The following CNTNAP5 variants were observed in gnomAD, a reference collection of about 807,000 sequenced individuals.
CNTNAP5 encodes the protein contactin-associated protein-like 5.
A neutral mutation model predicts 150.2 loss-of-function variants in CNTNAP5; 72 were observed. That is an observed-to-expected ratio of 0.48 (90% confidence interval 0.40 to 0.58). The LOEUF is 0.58. Among genes scored for constraint, CNTNAP5 ranks in the 20% least tolerant of loss-of-function variants. The pLI is 0.00. For synonymous variants in CNTNAP5, 672 were observed against 619.8 expected (o/e 1.08, Z -1.25); for missense variants, 1,636 against 1,626.2 (o/e 1.01, Z -0.10).
rs551206374 is a variant in CNTNAP5, at chr2:124,354,379, C to A, written c.382-63064C>A. Among the ~76,000 whole-genome samples, 12 of 152,192 alleles carry A rather than the reference C, an allele frequency of 7.9e-5. No homozygotes were observed. In the South Asian group the frequency reaches 1.9e-3, roughly 24 times the overall value. On this transcript the variant is annotated intron_variant, in intron 3 of 23. Coordinates refer to ENST00000682447, the MANE Select transcript of CNTNAP5 (RefSeq NM_001367498.1). ...ATCTCCAAAAACAACGAAAAACACA[C>A]TTTGCCAAAGGAAAATTAAATGTAT...
chr2:124,825,033 C>T (rs896575287), intron 19 of CNTNAP5, among the ~76,000 whole-genome samples: 10 of 152,080 alleles, frequency 6.6e-5, no homozygotes, highest in Non-Finnish European at 1.5e-4. Flanking sequence ...CTTACATATT[C>T]TTAACTATTG....
intron 1 of CNTNAP5, among the ~76,000 whole-genome samples, chr2:124,078,098 C>A (rs546840485): frequency 6.6e-6 from 1 of 152,144 alleles, no homozygotes; most frequent in African/African-American, 2.4e-5. Flanking sequence ...AAATGCCAAG[C>A]AAAACCTCAG....
At chr2:124,093,130 C>G (rs1232328025) in intron 1 of CNTNAP5, among the ~76,000 whole-genome samples, 5 of 152,206 alleles carry the variant, frequency 3.3e-5, no homozygotes, top group Admixed American at 2.6e-4. Flanking sequence ...TTTTATGTCT[C>G]ACAATTAGTA....
chr2:124,817,719 C>A (rs1413897507), intron 19 of CNTNAP5, among the ~76,000 whole-genome samples: 1 of 152,102 alleles, frequency 6.6e-6, no homozygotes, highest in Non-Finnish European at 1.5e-5. Context: ...TACCTAACCC[C>A]CAATGCACTT....
At chr2:124,048,250 G>A (rs142911067) in intron 1 of CNTNAP5, among the ~76,000 whole-genome samples, 9 of 152,276 alleles carry the variant, frequency 5.9e-5, no homozygotes, top group African/African-American at 2.2e-4. Flanking sequence ...AAACAGAACT[G>A]GAGTTAACCA....
chr2:124,580,679 G>T lies in CNTNAP5; in HGVS notation c.1756+17356G>T, dbSNP rs533693629. Reference sequence around the variant, plus strand: ...GTTTGGTCATGATGCCCAGAAGGGTGCAGTCTCCGTCTCTCTCTCTCAGCT... The same window carrying T: ...GTTTGGTCATGATGCCCAGAAGGGTTCAGTCTCCGTCTCTCTCTCTCAGCT... On this transcript the variant is annotated intron_variant, in intron 11 of 23. Coordinates refer to ENST00000682447, the MANE Select transcript of CNTNAP5 (RefSeq NM_001367498.1). Among the ~76,000 whole-genome samples, 7 of 152,300 alleles carry T rather than the reference G, an allele frequency of 4.6e-5. No individual in the cohort carries two copies. The East Asian group carries it at 7.7e-4, about 17-fold the overall frequency.
chr2:124,091,818 C>T (rs999952715), intron 1 of CNTNAP5, among the ~76,000 whole-genome samples: 4 of 152,172 alleles, frequency 2.6e-5, no homozygotes, highest in Non-Finnish European at 4.4e-5. Flanking sequence ...TAGGTAAAAA[C>T]GGCTAGGAGC....
intron 3 of CNTNAP5, among the ~76,000 whole-genome samples, chr2:124,290,910 A>ATTTT (rs1296527750): frequency 3.1e-5 from 4 of 130,428 alleles, no homozygotes; most frequent in African/African-American, 1.2e-4. Context: ...TTATTTATTT[A>ATTTT]TTTATTTTAA....
chr2:124,865,598 G>C (rs575514442), intron 20 of CNTNAP5, among the ~76,000 whole-genome samples, 162 bp downstream of exon 20: 27 of 152,296 alleles, frequency 1.8e-4, no homozygotes, highest in African/African-American at 5.8e-4. Context: ...TGGTTCTCAA[G>C]ATGTGCTTCC....
At chr2:124,779,297 C>A (rs1681398598) in intron 17 of CNTNAP5, among the ~76,000 whole-genome samples, 1 of 152,232 alleles carries the variant, frequency 6.6e-6, no homozygotes, top group Non-Finnish European at 1.5e-5. Context: ...CTGGCTTCAG[C>A]ACTCCCGGTG....
chr2:124,047,057 G>C (rs1319061972), intron 1 of CNTNAP5, among the ~76,000 whole-genome samples: 1 of 152,122 alleles, frequency 6.6e-6, no homozygotes, highest in Non-Finnish European at 1.5e-5. Flanking sequence ...CCTAAGAATC[G>C]AGTGTTTACT....
At chr2:124,497,638 T>C (rs1694181659) in intron 7 of CNTNAP5, among the ~76,000 whole-genome samples, 1 of 152,204 alleles carries the variant, frequency 6.6e-6, no homozygotes, top group African/African-American at 2.4e-5. Context: ...TCATTTCTGA[T>C]AGGTACTTGT....
rs1165121521 is a variant in CNTNAP5, at chr2:124,184,426, CTT to C, written c.83-37276_83-37275del. Among the ~76,000 whole-genome samples the C allele has an allele frequency of 2.6e-5, 4 of 152,136 alleles. No homozygotes were observed. In the East Asian group the frequency reaches 7.7e-4, roughly 29 times the overall value. ...GTTACATTTCAGATAAAGAATGAAT[CTT>C]TTCTTTCAGTATCAACATGTCGCAA... On this transcript the variant is annotated intron_variant, in intron 1 of 23. Transcript: ENST00000682447.
intron 6 of CNTNAP5, among the ~76,000 whole-genome samples, chr2:124,461,191 G>C (rs1252396463): frequency 6.6e-6 from 1 of 152,054 alleles, no homozygotes; most frequent in Non-Finnish European, 1.5e-5. Flanking sequence ...ATACCCAAAA[G>C]ACTATAAATC....
At chr2:124,208,784 A>G (rs1340665688) in intron 1 of CNTNAP5, among the ~76,000 whole-genome samples, 6 of 152,364 alleles carry the variant, frequency 3.9e-5, no homozygotes, top group Middle Eastern at 3.4e-3. Flanking sequence ...TGTTACAACA[A>G]TAGGATTTCA....
chr2:124,135,362 G>A (rs1355343163), intron 1 of CNTNAP5, among the ~76,000 whole-genome samples: 1 of 152,208 alleles, frequency 6.6e-6, no homozygotes, highest in African/African-American at 2.4e-5. Flanking sequence ...GGCAAGCAAA[G>A]GGACCTTGGG....
At chr2:124,429,222 G>A (rs1692311877) in intron 4 of CNTNAP5, among the ~76,000 whole-genome samples, 1 of 152,022 alleles carries the variant, frequency 6.6e-6, no homozygotes, top group Non-Finnish European at 1.5e-5. Context: ...GGAGTGCTGA[G>A]TATTCTTCTT....
intron 3 of CNTNAP5, among the ~76,000 whole-genome samples, chr2:124,313,087 C>A (rs1688876060): frequency 1.3e-5 from 2 of 152,194 alleles, no homozygotes; most frequent in Non-Finnish European, 1.5e-5. Flanking sequence ...ACTGTGTGTG[C>A]ATTTTAACAA....
intron 9 of CNTNAP5, among the ~76,000 whole-genome samples, chr2:124,526,896 C>T (rs977579906): frequency 2.0e-5 from 3 of 152,108 alleles, no homozygotes; most frequent in Admixed American, 1.3e-4. Flanking sequence ...AGAATTGAAT[C>T]GTGCATTTAG....
Sources: gnomAD v4.1 joint callset for allele counts (sites outside exome capture counted in the v4.1 genomes callset) on GRCh38, gnomAD v4.1.1 for gene constraint, MANE v1.5 for transcripts, NCBI Gene and HGNC (gene_info 2026-07-23, HGNC 2026-07-21) for gene names.